The following GPR107 variants were observed in gnomAD, a reference collection of about 807,000 sequenced individuals.
GPR107 encodes protein GPR107.
GPR107 carries 31 observed loss-of-function variants against 75.5 expected under a neutral mutation model. That is an observed-to-expected ratio of 0.41 (90% CI 0.31 to 0.55). The LOEUF (loss-of-function observed/expected upper bound fraction) is 0.55. Among genes scored for constraint, GPR107 ranks in the 20% least tolerant of loss-of-function variants. GPR107 has a pLI of 0.26. For synonymous variants in GPR107, 267 were observed against 251.3 expected (o/e 1.06, Z -0.59); for missense variants, 572 against 665.7 (o/e 0.86, Z 1.55).
At chr9:130,085,482 G>A (rs999918358) in intron 6 of GPR107, among the ~76,000 whole-genome samples, 1 of 152,300 alleles carries the variant, frequency 6.6e-6, no homozygotes, top group East Asian at 1.9e-4. Flanking sequence ...GATATGTAAA[G>A]CAGCAATCTG....
intron 12 of GPR107, among the ~76,000 whole-genome samples, chr9:130,102,452 C>A (rs1564675456): frequency 6.6e-6 from 1 of 152,166 alleles, no homozygotes; most frequent in African/African-American, 2.4e-5. Context: ...CCGTCCTGGG[C>A]TTCCCTGAAA....
At chr9:130,093,014 T>G (rs778236018) in intron 9 of GPR107, among the ~76,000 whole-genome samples, 1 of 152,174 alleles carries the variant, frequency 6.6e-6, no homozygotes. Context: ...AGTAAACACA[T>G]GGGTCTCATT....
At chr9:130,127,194 T>C (rs753232003) in intron 15 of GPR107, among the ~76,000 whole-genome samples, 1 of 152,140 alleles carries the variant, frequency 6.6e-6, no homozygotes, top group Non-Finnish European at 1.5e-5. Context: ...TGTCTGTGGA[T>C]AGGGTGAGGA....
At chr9:130,078,469 A>G (rs1830413880) in intron 4 of GPR107, among the ~76,000 whole-genome samples, 1 of 152,220 alleles carries the variant, frequency 6.6e-6, no homozygotes, top group African/African-American at 2.4e-5. Context: ...ATTTAAGAAG[A>G]TTGATCTGAC....
intron 1 of GPR107, among the ~76,000 whole-genome samples, chr9:130,071,192 T>C (rs1015254364): frequency 6.2e-5 from 8 of 128,176 alleles, no homozygotes; most frequent in South Asian, 5.2e-4. Flanking sequence ...AACTGGCTAA[T>C]TTTTTTTTTT....
intron 1 of GPR107, among the ~76,000 whole-genome samples, chr9:130,071,663 A>G (rs569767305): frequency 1.6e-4 from 25 of 151,956 alleles, no homozygotes; most frequent in African/African-American, 5.8e-4. Flanking sequence ...TATTATCATT[A>G]TTATTATTAT....
intron 11 of GPR107, 38 bp from the exon 12 acceptor site, chr9:130,101,066 AAG>A: frequency 1.8e-6 from 2 of 1,136,260 alleles, no homozygotes; most frequent in Non-Finnish European, 2.7e-6. Flanking sequence ...TGAGAGTCTA[AAG>A]AGACCTGCTG....
chr9:130,124,828 C>T, intron 14 of GPR107, 87 bp from the exon 15 acceptor site: 2 of 773,296 alleles, frequency 2.6e-6, no homozygotes, highest in East Asian at 2.7e-5. Flanking sequence ...TAGAGGTGGC[C>T]TCTTGACTGA....
chr9:130,064,722 G>A (rs971270199), intron 1 of GPR107, among the ~76,000 whole-genome samples: 2 of 152,092 alleles, frequency 1.3e-5, no homozygotes, highest in Non-Finnish European at 2.9e-5. Flanking sequence ...GGTCATATGC[G>A]GTTAGGGTGG....
At chr9:130,061,473 A>G (rs1172618301) in intron 1 of GPR107, among the ~76,000 whole-genome samples, 2 of 152,102 alleles carry the variant, frequency 1.3e-5, no homozygotes, top group African/African-American at 2.4e-5. Context: ...TCCCATGTCT[A>G]TGGAGGCCCC....
chr9:130,078,629 G>A (rs952980935), intron 4 of GPR107, among the ~76,000 whole-genome samples: 1 of 152,140 alleles, frequency 6.6e-6, no homozygotes, highest in Non-Finnish European at 1.5e-5. Context: ...TGATGTTAGG[G>A]ACTCTGGTGC....
intron 17 of GPR107, 141 bp downstream of exon 17, chr9:130,128,902 A>G: frequency 1.4e-6 from 1 of 734,022 alleles, no homozygotes; most frequent in South Asian, 1.7e-5. Flanking sequence ...GGAAGCGGAC[A>G]CTGGAGCCCC....
chr9:130,054,125 G>T, intron 1 of GPR107, 52 bp downstream of exon 1: 6 of 1,481,202 alleles, frequency 4.1e-6, no homozygotes, highest in Non-Finnish European at 4.5e-6. Flanking sequence ...CCACTCCCCG[G>T]GTTTTAGGGC....
chr9:130,139,951 G>C lies in GPR107; in HGVS notation c.*4830G>C, dbSNP rs538929644. 5.9e-5 allele frequency: 9 copies of C among 152,344 alleles called. No homozygotes were observed. Among genetic ancestry groups the C allele is most frequent in the African/African-American group, 2.2e-4 (9 of 41,572 alleles). 9.4% of individuals were successfully genotyped at this position (152,344 alleles called of 1,614,324 possible). ...TCCAGAAATAGTTTCGTTTGAGGGA[G>C]GGCTTGCAGGTCTGTAAATAGCATT... On this transcript the variant is annotated 3_prime_UTR_variant, in exon 18 of 18. Coordinates refer to ENST00000347136, the MANE Select transcript of GPR107 (RefSeq NM_020960.5).
intron 14 of GPR107, among the ~76,000 whole-genome samples, chr9:130,121,352 C>CA (rs1036568629): frequency 1.9e-4 from 29 of 152,010 alleles, no homozygotes; most frequent in African/African-American, 6.0e-4. Flanking sequence ...AAAATAATTG[C>CA]AAAAAAATCT....
At chr9:130,076,886 G>GTTTT (rs201956124) in intron 3 of GPR107, among the ~76,000 whole-genome samples, 4 of 136,118 alleles carry the variant, frequency 2.9e-5, no homozygotes, top group Admixed American at 7.4e-5. Flanking sequence ...GTTTACTTTT[G>GTTTT]TTTTTTGTTT....
intron 3 of GPR107, among the ~76,000 whole-genome samples, 165 bp downstream of exon 3, chr9:130,076,627 G>A (rs558312421): frequency 6.6e-6 from 1 of 151,946 alleles, no homozygotes; most frequent in African/African-American, 2.4e-5. Flanking sequence ...CGATCCTCCC[G>A]CCTCAGTCCC....
chr9:130,077,936 C>G (rs540072553), intron 4 of GPR107, among the ~76,000 whole-genome samples: 5 of 152,098 alleles, frequency 3.3e-5, no homozygotes, highest in Non-Finnish European at 7.4e-5. Context: ...GAGGCCGAGG[C>G]GGACGGATCA....
rs537728252 is a variant in GPR107, at chr9:130,105,152, T to C, written c.1262+602T>C. Among the ~76,000 whole-genome samples, 45 of 152,314 alleles carry C rather than the reference T, an allele frequency of 3.0e-4. No homozygotes were observed. The South Asian group carries it at 8.9e-3, about 30-fold the overall frequency. On this transcript the variant is annotated intron_variant, in intron 13 of 17. Coordinates refer to ENST00000347136, the MANE Select transcript of GPR107 (RefSeq NM_020960.5). The stretch of plus-strand genomic sequence containing the variant: ...GAAGGCTAGCAGCAATAAAACACTT[T>C]ACCCTTAGTGATATAATTCCATGGC...
Sources: allele counts gnomAD v4.1 joint callset (sites outside exome capture counted in the v4.1 genomes callset), GRCh38; gene constraint gnomAD v4.1.1; transcripts MANE v1.5; gene names NCBI Gene and HGNC (gene_info 2026-07-23, HGNC 2026-07-21).